Variants in TXNDC11 observed in about 807,000 individuals in gnomAD.
TXNDC11 encodes thioredoxin domain-containing protein 11.
Under a neutral mutation model 78.0 loss-of-function variants are expected in TXNDC11, and 68 were observed. The ratio of observed to expected loss-of-function variants is 0.87; its 90% confidence interval spans 0.72 to 1.07. The LOEUF is 1.07. Among genes scored for constraint, TXNDC11 ranks in the 50% least tolerant of loss-of-function variants. The pLI, the probability that TXNDC11 is intolerant of heterozygous loss-of-function variation, is 0.00. For missense variants in TXNDC11, 1,389 were observed against 1,221.8 expected, an observed-to-expected ratio of 1.14 and a Z score of -2.04; for synonymous variants, 571 against 495.2, an observed-to-expected ratio of 1.15 and a Z score of -2.03.
At chr16:11,714,868 A>G (rs531194073) in intron 5 of TXNDC11, among the ~76,000 whole-genome samples, 1 of 152,356 alleles carries the variant, frequency 6.6e-6, no homozygotes, top group East Asian at 1.9e-4. Flanking sequence ...TTAGAAAACT[A>G]ATGCTACTAA....
rs377444325 is a variant in TXNDC11 at position 11,721,605 on chromosome 16, G to T, written c.765C>A (p.Phe255Leu). 6.2e-7 allele frequency: 1 copy of T among 1,610,570 alleles called. No homozygotes were observed. Among genetic ancestry groups the T allele is most frequent in the South Asian group, 1.1e-5 (1 of 90,942 alleles). Residue 255 changes from phenylalanine to leucine, a missense_variant, in exon 5 of 12, where the codon TTC becomes TTA. By Grantham distance (22) the Phe-to-Leu change is conservative. Coordinates refer to ENST00000283033, the MANE Select transcript of TXNDC11 (RefSeq NM_015914.7). ...SPQPPGYLTFFTSALHSLKKD... is the reference protein window; with the variant it reads ...SPQPPGYLTFLTSALHSLKKD... ...TCTTTAATGAATGTAATGCTGAGGTGAAGAAGGTCAAATAACCAGGAGGCT... is the reference window on the plus strand; with the variant it reads ...TCTTTAATGAATGTAATGCTGAGGTTAAGAAGGTCAAATAACCAGGAGGCT...
rs1269632298 is a variant in TXNDC11, at chr16:11,689,554, G to A, written c.1901-1109C>T. Among the ~76,000 whole-genome samples, 5 of 152,268 alleles carry A rather than the reference G, an allele frequency of 3.3e-5. 1 individual carries two copies. The South Asian group carries it at 8.3e-4, about 25-fold the overall frequency. ...TTTTTACAAGCTCCCTAAGAATTCT[G>A]TCACTAACTGCAGGACAAAGAACAG... is the stretch of plus-strand genomic sequence containing the variant. On this transcript the variant is annotated intron_variant, in intron 8 of 11. Transcript: ENST00000283033.
intron 1 of TXNDC11, among the ~76,000 whole-genome samples, chr16:11,737,127 T>C (rs576124003): frequency 2.0e-5 from 3 of 152,134 alleles, no homozygotes; most frequent in Non-Finnish European, 2.9e-5. Flanking sequence ...CATGGAAACC[T>C]AAAACGCGAT....
intron 5 of TXNDC11, among the ~76,000 whole-genome samples, chr16:11,702,328 T>C (rs2051055236): frequency 6.6e-6 from 1 of 152,122 alleles, no homozygotes; most frequent in Admixed American, 6.6e-5. Flanking sequence ...GGTACATTCT[T>C]TCCTATCCCC....
intron 5 of TXNDC11, among the ~76,000 whole-genome samples, chr16:11,706,216 T>G (rs2051175379): frequency 6.6e-6 from 1 of 152,216 alleles, no homozygotes; most frequent in South Asian, 2.1e-4. Context: ...AATGAAATCT[T>G]GAAGGAACAT....
chr16:11,741,305 A>G (rs1366597621), intron 1 of TXNDC11, among the ~76,000 whole-genome samples: 1 of 152,220 alleles, frequency 6.6e-6, no homozygotes, highest in Non-Finnish European at 1.5e-5. Flanking sequence ...CTGGAATCCC[A>G]AAAGACCCAC....
intron 2 of TXNDC11, among the ~76,000 whole-genome samples, chr16:11,735,705 T>A (rs1018890076): frequency 6.6e-6 from 1 of 152,204 alleles, no homozygotes; most frequent in African/African-American, 2.4e-5. Context: ...AAGTATCAAA[T>A]GGATATGCAA....
intron 8 of TXNDC11, among the ~76,000 whole-genome samples, chr16:11,689,087 C>CCT (rs2050641287): frequency 1.4e-5 from 2 of 143,116 alleles, no homozygotes; most frequent in South Asian, 4.4e-4. Flanking sequence ...TTGAATTTCA[C>CCT]TTTTTTTTTT....
chr16:11,701,920 T>A (rs375453210), intron 5 of TXNDC11, among the ~76,000 whole-genome samples: 1 of 151,770 alleles, frequency 6.6e-6, no homozygotes, highest in East Asian at 1.9e-4. Context: ...AGGAGTCACA[T>A]GCAAGGATAT....
At chr16:11,709,259 C>CTTTT (rs60926291) in intron 5 of TXNDC11, among the ~76,000 whole-genome samples, 4 of 142,248 alleles carry the variant, frequency 2.8e-5, no homozygotes, top group Non-Finnish European at 6.1e-5. Context: ...AGCTGTGATT[C>CTTTT]TTTTTTTTTT....
intron 5 of TXNDC11, among the ~76,000 whole-genome samples, chr16:11,717,236 G>A (rs1432131276): frequency 1.3e-5 from 2 of 151,236 alleles, no homozygotes; most frequent in East Asian, 3.9e-4. Flanking sequence ...GACCAGCCTG[G>A]CCAACATGGC....
Position 11,688,404 on chromosome 16 carries a change from T to A in TXNDC11, c.1942A>T (p.Lys648Ter). 1 of 1,614,076 alleles carries A rather than the reference T, an allele frequency of 6.2e-7. No individual in the cohort carries two copies. The highest frequency in any genetic ancestry group is 8.5e-7 in the Non-Finnish European group (1 of 1,179,958). Reference protein sequence around the residue: ...QNFSVLYSPLKRHLIGSGSAQ... With the variant: ...QNFSVLYSPL ...GAGCCACTTCCAATGAGATGCCTTT[T>A]CAAGGGACTATAGAGAACGCTGAAG... The change falls in exon 9 of 12, where the codon AAA becomes TAA. Residue 648 changes from lysine to a stop codon, truncating the protein, a stop_gained. Transcript: ENST00000283033. LOFTEE classifies it high-confidence loss of function.
At chr16:11,733,931 T>C (rs1597495873) in intron 3 of TXNDC11, 51 bp downstream of exon 3, 1 of 1,364,846 alleles carries the variant, frequency 7.3e-7, no homozygotes, top group Non-Finnish European at 1.0e-6. Context: ...AATTCATTTA[T>C]AAACTGGCAA....
At chr16:11,695,473 A>T (rs2050834123) in intron 7 of TXNDC11, among the ~76,000 whole-genome samples, 1 of 152,102 alleles carries the variant, frequency 6.6e-6, no homozygotes. Flanking sequence ...AAGTAAAGCC[A>T]CCTAACTCTT....
At chr16:11,729,087 G>A (rs760370712) in intron 4 of TXNDC11, among the ~76,000 whole-genome samples, 1 of 152,180 alleles carries the variant, frequency 6.6e-6, no homozygotes, top group Non-Finnish European at 1.5e-5. Context: ...ATTTTGCTGT[G>A]CCATCCCGAG....
Position 11,691,642 on chromosome 16 carries a change from C to A in TXNDC11, c.1548G>T (p.Val516=), listed in dbSNP as rs767978646. The A allele has an allele frequency of 6.2e-7, 1 of 1,614,214 alleles. No individual in the cohort carries two copies. The highest frequency in any genetic ancestry group is 8.5e-7 in the Non-Finnish European group (1 of 1,180,038). ...CTTGTTCAGAGTCGATGAAGCCTGA[C>A]ACACCCCTGCTTATGGTCCTGCAAC... ...TACCRTISRG[V]SGFIDSEQGV... is the part of the protein sequence containing the mutation. The change falls in exon 8 of 12, where the codon GTG becomes GTT. Residue 516 remains valine, a synonymous_variant. Transcript: ENST00000283033.
intron 11 of TXNDC11, among the ~76,000 whole-genome samples, chr16:11,683,561 G>C (rs1247089400): frequency 3.1e-5 from 4 of 129,802 alleles, no homozygotes; most frequent in Admixed American, 7.1e-5. Flanking sequence ...CTGCACTCCA[G>C]CCAGGGCAAC....
chr16:11,680,105 G>C (rs2141951679), intron 11 of TXNDC11, among the ~76,000 whole-genome samples: 1 of 152,328 alleles, frequency 6.6e-6, no homozygotes, highest in African/African-American at 2.4e-5. Context: ...AGAAAGACAA[G>C]AGCTCCTAGG....
chr16:11,685,141 A>G (rs1449179733), intron 10 of TXNDC11, among the ~76,000 whole-genome samples: 1 of 152,206 alleles, frequency 6.6e-6, no homozygotes, highest in Non-Finnish European at 1.5e-5. Context: ...AGGTGGGTGG[A>G]CTGTTTGAGC....
Sources: allele counts gnomAD v4.1 joint callset (sites outside exome capture counted in the v4.1 genomes callset), GRCh38; gene constraint gnomAD v4.1.1; transcripts MANE v1.5; gene names NCBI Gene and HGNC (gene_info 2026-07-23, HGNC 2026-07-21).